Variants in ANAPC7 observed in about 807,000 individuals in gnomAD.
The protein encoded by ANAPC7 is anaphase-promoting complex subunit 7.
ANAPC7 carries 25 observed loss-of-function variants against 63.3 expected under a neutral mutation model. The observed-to-expected ratio is 0.39, with a 90% CI of 0.29 to 0.55. ANAPC7 has a LOEUF of 0.55. Ranked by LOEUF, ANAPC7 falls within the 20% of genes least tolerant of loss-of-function variation. The pLI, the probability that ANAPC7 is intolerant of heterozygous loss-of-function variation, is 0.57. For synonymous variants in ANAPC7, 241 were observed against 251.7 expected, an observed-to-expected ratio of 0.96 and a Z score of 0.40; for missense variants, 516 against 691.7, an observed-to-expected ratio of 0.75 and a Z score of 2.85.
chr12:110,374,092 C>T lies in ANAPC7; in HGVS notation c.*52G>A, dbSNP rs1383202850. On this transcript the variant is annotated 3_prime_UTR_variant, in exon 11 of 11. Coordinates refer to ENST00000455511, the MANE Select transcript of ANAPC7 (RefSeq NM_016238.3). ...AGGCTCCTACGGTTCCTTCAGTCCA[C>T]GGAAGTGCTCAGAGCAGGGCAGGCC... The T allele has an allele frequency of 1.2e-5, 18 of 1,531,600 alleles. No homozygotes were observed. The highest frequency in any genetic ancestry group is 2.7e-5 in the African/African-American group (2 of 72,832). The allele number at this position is 1,531,600 out of a possible 1,614,324, so 94.9% of individuals were successfully genotyped here.
intron 10 of ANAPC7, chr12:110,375,404 T>G (rs1035339812): frequency 4.1e-6 from 4 of 984,816 alleles, no homozygotes; most frequent in Non-Finnish European, 3.6e-6. Flanking sequence ...GTGATCAGAC[T>G]CTATTAAAGA....
Position 110,402,332 on chromosome 12 carries a change from ATT to A in ANAPC7, c.101+1193_101+1194del, listed in dbSNP as rs758118135. The stretch of plus-strand genomic sequence containing the variant: ...AGAATTTTCATAAGTGCAATAAAGG[ATT>A]TTTTTTTTTTTTTGAGACGGAGTCT... On this transcript the variant is annotated intron_variant, in intron 1 of 10. Coordinates refer to ENST00000455511, the MANE Select transcript of ANAPC7 (RefSeq NM_016238.3). Among the ~76,000 whole-genome samples, 1,367 of 144,284 alleles carry A rather than the reference ATT, an allele frequency of 9.5e-3. 25 individuals are homozygous for A. The highest frequency in any genetic ancestry group is 0.033 in the African/African-American group (1,303 of 39,416). The allele number at this position is 144,284 out of a possible 152,430, so 94.7% of individuals were successfully genotyped here.
At position 110,386,354 on chromosome 12, in the gene ANAPC7, G is replaced by T. The variant is rs1438558123; in HGVS notation, c.790C>A (p.Gln264Lys). 1 of 1,614,040 alleles carries T rather than the reference G, an allele frequency of 6.2e-7. No homozygotes were observed. Among genetic ancestry groups the T allele is most frequent in the Non-Finnish European group, 8.5e-7 (1 of 1,180,020 alleles). The part of the protein sequence containing the change: ...KNSVLKFEQA[Q>K]MLDPYLIKGM... ...TTTATCAGATAAGGATCCAACATCT[G>T]TGCCTGTTCAAACTTGAGGACAGAG... is the stretch of plus-strand genomic sequence containing the variant. Residue 264 changes from glutamine to lysine, a missense_variant, in exon 6 of 11, where the codon CAG becomes AAG. By Grantham distance (53) the Gln-to-Lys change is moderately conservative. Around this residue, in one of 4 missense-constraint regions of ANAPC7, gnomAD observed 199 missense variants for 249.3 expected, o/e 0.80. Coordinates refer to ENST00000455511, the MANE Select transcript of ANAPC7 (RefSeq NM_016238.3).
At chr12:110,385,773 T>C (rs2137946913) in intron 6 of ANAPC7, among the ~76,000 whole-genome samples, 1 of 152,324 alleles carries the variant, frequency 6.6e-6, no homozygotes, top group South Asian at 2.1e-4. Flanking sequence ...AGCATATCTA[T>C]CTGACCTTAT....
chr12:110,382,508 G>T (rs1435756395), intron 7 of ANAPC7, among the ~76,000 whole-genome samples: 1 of 107,590 alleles, frequency 9.3e-6, no homozygotes, highest in Admixed American at 1.1e-4. Context: ...ATAGAGACAG[G>T]GTCTTGCTAC....
chr12:110,374,167 C>T lies in ANAPC7; in HGVS notation c.1675G>A (p.Glu559Lys). The stretch of plus-strand genomic sequence containing the variant: ...CCTCACTGCATGCCGAACCACTGCT[C>T]CTGGTCAGCCCACTGGGCCGCCTCA... Reference protein sequence around the residue: ...DSEAAQWADQEQWFGMQ With the variant: ...DSEAAQWADQKQWFGMQ Residue 559 changes from glutamate to lysine, a missense_variant, in exon 11 of 11, where the codon GAG becomes AAG. Physicochemically the swap from Glu to Lys is moderately conservative, Grantham distance 56. Around this residue, in one of 4 missense-constraint regions of ANAPC7, gnomAD observed 122 missense variants for 212.0 expected, o/e 0.58. Coordinates refer to ENST00000455511, the MANE Select transcript of ANAPC7 (RefSeq NM_016238.3). 6.2e-7 allele frequency: 1 copy of T among 1,612,812 alleles called. No homozygotes were observed. The highest frequency in any genetic ancestry group is 8.5e-7 in the Non-Finnish European group (1 of 1,179,926).
In ANAPC7 at chr12:110,382,464, ATAT is replaced by A. The variant is rs1882009852; in HGVS notation, c.935+376_935+378del. On this transcript the variant is annotated intron_variant, in intron 7 of 10. Transcript: ENST00000455511. ...TTTAAAAAAAAAAAAAAAAAAAAATATATATATATATATATATATATATATATA... is the reference window on the plus strand; with the variant it reads ...TTTAAAAAAAAAAAAAAAAAAAAATAATATATATATATATATATATATATA... 5.7e-3 allele frequency among the ~76,000 whole-genome samples: 461 copies of A among 80,596 alleles called. 6 individuals carry two copies. Among genetic ancestry groups the A allele is most frequent in the African/African-American group, 0.018 (376 of 21,436 alleles). The allele number at this position is 80,596 out of a possible 152,430, so 52.9% of individuals were successfully genotyped here. A position where few individuals can be genotyped will look rare whatever the true frequency, so the allele number is the denominator to read the frequency against.
chr12:110,387,263 G>GAGAGAGAGAGAC (rs1882575840), intron 5 of ANAPC7: 2 of 116,582 alleles, frequency 1.7e-5, no homozygotes, highest in African/African-American at 6.7e-5. Context: ...GACAGAGAGA[G>GAGAGAGAGAGAC]AGAGAGAGAG....
chr12:110,374,133 C>T lies in ANAPC7; in HGVS notation c.*11G>A. ...AGGGCAGGCCACTGCGGCCATGGAGCTGCCGCCCCCTCACTGCATGCCGAA... is the reference window on the plus strand; with the variant it reads ...AGGGCAGGCCACTGCGGCCATGGAGTTGCCGCCCCCTCACTGCATGCCGAA... On this transcript the variant is annotated 3_prime_UTR_variant, in exon 11 of 11. Transcript: ENST00000455511. 1 of 1,601,286 alleles carries T rather than the reference C, an allele frequency of 6.2e-7. No individual in the cohort carries two copies. The highest frequency in any genetic ancestry group is 2.2e-5 in the East Asian group (1 of 44,798).
intron 5 of ANAPC7, chr12:110,386,670 C>G: frequency 2.0e-6 from 1 of 502,506 alleles, no homozygotes; most frequent in South Asian, 2.8e-5. Context: ...GCAGAAGTCT[C>G]TCAGTACCAA....
intron 7 of ANAPC7, among the ~76,000 whole-genome samples, 168 bp from the exon 8 acceptor site, chr12:110,382,116 C>A (rs1200581820): frequency 1.3e-5 from 2 of 151,548 alleles, no homozygotes; most frequent in South Asian, 2.1e-4. Flanking sequence ...CAAAACAAAC[C>A]AAAAAATCCA....
At chr12:110,386,190 A>G in intron 6 of ANAPC7, 137 bp downstream of exon 6, 1 of 1,314,420 alleles carries the variant, frequency 7.6e-7, no homozygotes, top group South Asian at 1.3e-5. Context: ...TGACCTAAAA[A>G]AAGTAAAAGA....
chr12:110,392,014 C>A (rs1883133348), intron 3 of ANAPC7, among the ~76,000 whole-genome samples: 1 of 145,460 alleles, frequency 6.9e-6, no homozygotes, highest in Non-Finnish European at 1.5e-5. Context: ...ATCGCTTGAA[C>A]CCGGGAGGTG....
chr12:110,386,309 G>C lies in ANAPC7; in HGVS notation c.817+18C>G. The C allele has an allele frequency of 6.2e-7, 1 of 1,613,336 alleles. No homozygotes were observed. Among genetic ancestry groups the C allele is most frequent in the Non-Finnish European group, 8.5e-7 (1 of 1,179,900 alleles). ...CCCCAACAACAGCCACTGTCTTCCT[G>C]CCCCAAGAATTACTTACCTTTTATC... On this transcript the variant is annotated intron_variant, in intron 6 of 10. Transcript: ENST00000455511.
Position 110,397,859 on chromosome 12 carries a change from C to T in ANAPC7, c.102-1407G>A, listed in dbSNP as rs556860500. On this transcript the variant is annotated intron_variant, in intron 1 of 10. Coordinates refer to ENST00000455511, the MANE Select transcript of ANAPC7 (RefSeq NM_016238.3). ...GCTGTGAGCCGAGATTGCGCCACTACACTCCAGCCTGGGCGACAAGAGTGA... is the reference window on the plus strand; with the variant it reads ...GCTGTGAGCCGAGATTGCGCCACTATACTCCAGCCTGGGCGACAAGAGTGA... 5.3e-5 allele frequency among the ~76,000 whole-genome samples: 8 copies of T among 152,024 alleles called. No homozygotes were observed. The East Asian group carries it at 1.5e-3, about 29-fold the overall frequency.
At chr12:110,388,300 G>A (rs1882792937) in intron 4 of ANAPC7, among the ~76,000 whole-genome samples, 1 of 152,094 alleles carries the variant, frequency 6.6e-6, no homozygotes, top group Non-Finnish European at 1.5e-5. Context: ...GCCTCCCAAG[G>A]TGCTAGAATT....
At chr12:110,400,884 TAA>T (rs57010575) in intron 1 of ANAPC7, among the ~76,000 whole-genome samples, 11 of 136,972 alleles carry the variant, frequency 8.0e-5, no homozygotes, top group African/African-American at 1.3e-4. Flanking sequence ...CCATCTCTAT[TAA>T]AAAAAAAAAA....
intron 1 of ANAPC7, among the ~76,000 whole-genome samples, chr12:110,397,820 G>T (rs145073369): frequency 6.6e-6 from 1 of 151,198 alleles, no homozygotes; most frequent in Non-Finnish European, 1.5e-5. Context: ...GCTTGAACCC[G>T]GGAGGCAGAG....
Position 110,403,674 on chromosome 12 carries a change from A to G in ANAPC7, c.-47T>C. 6.4e-7 allele frequency: 1 copy of G among 1,558,218 alleles called. No individual in the cohort carries two copies. The highest frequency in any genetic ancestry group is 8.7e-7 in the Non-Finnish European group (1 of 1,150,354). Reference sequence around the variant, plus strand: ...CAGCGGCGGCAGCACTGACTCGAAAAGCCGGTAGAGGATCCTTAGGGAAGA... The same window carrying G: ...CAGCGGCGGCAGCACTGACTCGAAAGGCCGGTAGAGGATCCTTAGGGAAGA... On this transcript the variant is annotated 5_prime_UTR_variant, in exon 1 of 11. Coordinates refer to ENST00000455511, the MANE Select transcript of ANAPC7 (RefSeq NM_016238.3).
Sources: allele counts gnomAD v4.1 joint callset (sites outside exome capture counted in the v4.1 genomes callset), GRCh38; gene constraint gnomAD v4.1.1; regional missense constraint gnomAD v4.1.1; transcripts MANE v1.5; gene names NCBI Gene and HGNC (gene_info 2026-07-23, HGNC 2026-07-21).